The following TXNDC15 variants were observed in gnomAD, a reference collection of about 807,000 sequenced individuals.
The protein encoded by TXNDC15 is thioredoxin domain-containing protein 15.
A neutral mutation model predicts 35.0 loss-of-function variants in TXNDC15; 24 were observed. The ratio of observed to expected loss-of-function variants is 0.68; its 90% CI spans 0.50 to 0.96. The LOEUF is 0.96. Among genes scored for constraint, TXNDC15 ranks in the 40% least tolerant of loss-of-function variants. The pLI is 0.00. For synonymous variants in TXNDC15, 169 were observed against 174.0 expected (o/e 0.97, Z 0.23); for missense variants, 385 against 453.3 (o/e 0.85, Z 1.37).
intron 1 of TXNDC15, among the ~76,000 whole-genome samples, chr5:134,886,012 C>T (rs994005364): frequency 3.3e-5 from 5 of 152,084 alleles, no homozygotes; most frequent in South Asian, 2.1e-4. Context: ...TCATAATAGC[C>T]TATTGTATAT....
rs537763642 is a variant in TXNDC15 at position 134,900,559 on chromosome 5, C to G, written c.*874C>G. On this transcript the variant is annotated 3_prime_UTR_variant, in exon 5 of 5. Transcript: ENST00000358387. ...GCGTGGTGGCGGGCACCTGTAATCC[C>G]AGCTACTTGGGAAAGCTGAGGCATG... 6.6e-6 allele frequency: 1 copy of G among 152,266 alleles called. No individual in the cohort carries two copies. The highest frequency in any genetic ancestry group is 2.1e-4 in the South Asian group (1 of 4,814). The allele number at this position is 152,266 out of a possible 1,614,324, so 9.4% of individuals were successfully genotyped here. A position where few individuals can be genotyped will look rare whatever the true frequency, so the allele number is the denominator to read the frequency against.
intron 1 of TXNDC15, among the ~76,000 whole-genome samples, chr5:134,882,677 A>C (rs1051189049): frequency 2.0e-5 from 3 of 152,170 alleles, no homozygotes; most frequent in Non-Finnish European, 2.9e-5. Flanking sequence ...GTCTCCACCC[A>C]AAAAATACGA....
In TXNDC15 at chr5:134,899,831, T is replaced by C. The variant is rs1750566333; in HGVS notation, c.*146T>C. ...ATCATTTGTTGAACAACTGAATGTA[T>C]AAAAAAATTATAAACTGGTGTTTTA... On this transcript the variant is annotated 3_prime_UTR_variant, in exon 5 of 5. Transcript: ENST00000358387. 1.5e-6 allele frequency: 1 copy of C among 651,062 alleles called. No individual in the cohort carries two copies. The highest frequency in any genetic ancestry group is 1.9e-5 in the African/African-American group (1 of 53,212). The allele number at this position is 651,062 out of a possible 1,614,324, so 40.3% of individuals were successfully genotyped here. A position where few individuals can be genotyped will look rare whatever the true frequency, so the allele number is the denominator to read the frequency against.
Position 134,899,892 on chromosome 5 carries a change from A to G in TXNDC15, c.*207A>G, listed in dbSNP as rs990589846. Reference sequence around the variant, plus strand: ...CAATAAGCAAATGCAAAAATATTCAATAGATGCACTATTCTTGTTTTTACT... The same window carrying G: ...CAATAAGCAAATGCAAAAATATTCAGTAGATGCACTATTCTTGTTTTTACT... On this transcript the variant is annotated 3_prime_UTR_variant, in exon 5 of 5. Coordinates refer to ENST00000358387, the MANE Select transcript of TXNDC15 (RefSeq NM_024715.4). 11 of 484,840 alleles carry G rather than the reference A, an allele frequency of 2.3e-5. No individual in the cohort carries two copies. Among genetic ancestry groups the G allele is most frequent in the East Asian group, 3.5e-5 (1 of 28,366 alleles). The allele number at this position is 484,840 out of a possible 1,614,324, so 30.0% of individuals were successfully genotyped here.
chr5:134,899,766 C>A lies in TXNDC15; in HGVS notation c.*81C>A. 8.4e-7 allele frequency: 1 copy of A among 1,193,608 alleles called. No homozygotes were observed. The highest frequency in any genetic ancestry group is 1.2e-6 in the Non-Finnish European group (1 of 861,872). The allele number at this position is 1,193,608 out of a possible 1,614,324, so 73.9% of individuals were successfully genotyped here. A position where few individuals can be genotyped will look rare whatever the true frequency, so the allele number is the denominator to read the frequency against. On this transcript the variant is annotated 3_prime_UTR_variant, in exon 5 of 5. Coordinates refer to ENST00000358387, the MANE Select transcript of TXNDC15 (RefSeq NM_024715.4). ...GTGCTACAGTTTCATACATTTTCTCCAGTGACGTGTTGACTTGAAACTTCA... is the reference window on the plus strand; with the variant it reads ...GTGCTACAGTTTCATACATTTTCTCAAGTGACGTGTTGACTTGAAACTTCA...
chr5:134,888,516 T>C (rs1750323475), intron 2 of TXNDC15, among the ~76,000 whole-genome samples: 1 of 152,182 alleles, frequency 6.6e-6, no homozygotes, highest in Non-Finnish European at 1.5e-5. Context: ...AGAGTTTTGC[T>C]CTTGTCACCT....
intron 1 of TXNDC15, among the ~76,000 whole-genome samples, chr5:134,883,398 G>A (rs1230702935): frequency 6.6e-6 from 1 of 151,838 alleles, no homozygotes; most frequent in Non-Finnish European, 1.5e-5. Flanking sequence ...CTGCACTCCA[G>A]CCTGTGCTAC....
Position 134,893,752 on chromosome 5 carries a change from G to A in TXNDC15, c.755+97G>A, listed in dbSNP as rs1417802438. On this transcript the variant is annotated intron_variant, in intron 3 of 4. Transcript: ENST00000358387. Reference sequence around the variant, plus strand: ...GTTAAGTTAGAAGCAGAAGAGGGGGGGCATGAACTGTGTCCTGGGATGGAA... The same window carrying A: ...GTTAAGTTAGAAGCAGAAGAGGGGGAGCATGAACTGTGTCCTGGGATGGAA... The A allele has an allele frequency of 4.7e-6, 7 of 1,488,504 alleles. No individual in the cohort carries two copies. The South Asian group carries it at 7.1e-5, about 15-fold the overall frequency. 92.2% of individuals were successfully genotyped at this position (1,488,504 alleles called of 1,614,324 possible).
At chr5:134,874,208 C>A (rs922711115), upstream of TXNDC15, 1 of 523,404 alleles carries the variant, frequency 1.9e-6, no homozygotes, top group Non-Finnish European at 3.4e-6. Context: ...CGACCTGCAA[C>A]GTCTGGCGCT....
At chr5:134,895,547 G>A (rs1750472894) in intron 3 of TXNDC15, among the ~76,000 whole-genome samples, 1 of 152,114 alleles carries the variant, frequency 6.6e-6, no homozygotes, top group African/African-American at 2.4e-5. Flanking sequence ...TATTATATGG[G>A]CTGGGACATG....
rs1580856811 is a variant in TXNDC15 at position 134,878,128 on chromosome 5, T to G, written c.103+3598T>G. 2.0e-5 allele frequency among the ~76,000 whole-genome samples: 3 copies of G among 152,336 alleles called. No individual in the cohort carries two copies. In the South Asian group the frequency reaches 6.2e-4, roughly 32 times the overall value. On this transcript the variant is annotated intron_variant, in intron 1 of 4. Transcript: ENST00000358387. ...GGTTTCACCATGTTGGCCAGGCTGG[T>G]CTTGAATTCCTGACCTCAAGTAATC...
At chr5:134,898,463 A>G (rs898948615) in intron 4 of TXNDC15, among the ~76,000 whole-genome samples, 4 of 152,238 alleles carry the variant, frequency 2.6e-5, no homozygotes, top group African/African-American at 9.6e-5. Flanking sequence ...TTCCCAAAGT[A>G]TGCTCACTGG....
chr5:134,901,333 G>T lies in TXNDC15; in HGVS notation c.*1648G>T, dbSNP rs1447777430. On this transcript the variant is annotated 3_prime_UTR_variant, in exon 5 of 5. Coordinates refer to ENST00000358387, the MANE Select transcript of TXNDC15 (RefSeq NM_024715.4). ...TCATGTTTCCAACAGCTGTGTTTGG[G>T]GTGGTCACTGGCAGGAGGGGACCGT... 6.6e-6 allele frequency: 1 copy of T among 152,136 alleles called. No individual in the cohort carries two copies. The highest frequency in any genetic ancestry group is 1.5e-5 in the Non-Finnish European group (1 of 68,026). 9.4% of individuals were successfully genotyped at this position (152,136 alleles called of 1,614,324 possible).
chr5:134,892,665 A>G (rs188993201), intron 2 of TXNDC15: 3 of 152,318 alleles, frequency 2.0e-5, no homozygotes, highest in Admixed American at 6.5e-5. Flanking sequence ...ACTAAGTTTA[A>G]TCAATCATTT....
At chr5:134,897,395 G>A (rs1182080511) in intron 4 of TXNDC15, among the ~76,000 whole-genome samples, 3 of 149,582 alleles carry the variant, frequency 2.0e-5, no homozygotes, top group Admixed American at 6.7e-5. Context: ...TTATAGGTGC[G>A]CACCACCACA....
intron 1 of TXNDC15, among the ~76,000 whole-genome samples, chr5:134,885,128 G>C (rs1473945897): frequency 6.6e-6 from 1 of 152,006 alleles, no homozygotes; most frequent in Non-Finnish European, 1.5e-5. Flanking sequence ...CACCATGTTG[G>C]TCAGGCTGGT....
At chr5:134,896,572 T>C in intron 4 of TXNDC15, 148 bp downstream of exon 4, 1 of 895,902 alleles carries the variant, frequency 1.1e-6, no homozygotes, top group Admixed American at 2.6e-5. Flanking sequence ...ACTGTTATGA[T>C]CCTGTTAAAT....
upstream of TXNDC15, chr5:134,874,277 C>T (rs2150182065): frequency 1.6e-6 from 1 of 617,610 alleles, no homozygotes; most frequent in Non-Finnish European, 2.7e-6. Context: ...GGCCGTCCGC[C>T]CGACTCCAAG....
intron 3 of TXNDC15, 38 bp downstream of exon 3, chr5:134,893,693 G>A: frequency 4.3e-6 from 7 of 1,611,956 alleles, no homozygotes; most frequent in Non-Finnish European, 4.2e-6. Context: ...CATCCTCCTG[G>A]CTGATGGTTG....
Sources: allele counts gnomAD v4.1 joint callset (sites outside exome capture counted in the v4.1 genomes callset), GRCh38; gene constraint gnomAD v4.1.1; transcripts MANE v1.5; gene names NCBI Gene and HGNC (gene_info 2026-07-23, HGNC 2026-07-21).